MAGI1: variants seen among roughly 807,000 people sequenced by gnomAD.
MAGI1 encodes membrane associated guanylate kinase, WW and PDZ domain containing 1.
A neutral mutation model predicts 139.9 loss-of-function variants in MAGI1; 58 were observed. The observed-to-expected ratio is 0.41, with a 90% CI of 0.34 to 0.52. The LOEUF is 0.52. Ranked by LOEUF, MAGI1 falls within the 20% of genes least tolerant of loss-of-function variation. The probability of loss-of-function intolerance (pLI) is 0.12; values close to 1 mark genes in which losing one functional copy is unlikely to be tolerated. For missense variants in MAGI1, 1,874 were observed against 1,901.6 expected, an observed-to-expected ratio of 0.99 and a Z score of 0.27; for synonymous variants, 812 against 737.9, an observed-to-expected ratio of 1.10 and a Z score of -1.63.
intron 2 of MAGI1, among the ~76,000 whole-genome samples, chr3:65,519,971 C>A (rs2078078835): frequency 6.6e-6 from 1 of 152,130 alleles, no homozygotes; most frequent in Non-Finnish European, 1.5e-5. Context: ...GGTCCTTTGG[C>A]ACAGCAGCTC....
At position 65,614,655 on chromosome 3, in the gene MAGI1, A is replaced by G. The variant is rs1004834821; in HGVS notation, c.430+7317T>C. On this transcript the variant is annotated intron_variant, in intron 2 of 22. Transcript: ENST00000402939. ...CCCCCTTTACCTCATATGTAATGACAGTAATAACTACCACTAGCATCATGG... is the reference window on the plus strand; with the variant it reads ...CCCCCTTTACCTCATATGTAATGACGGTAATAACTACCACTAGCATCATGG... Among the ~76,000 whole-genome samples the G allele has an allele frequency of 2.0e-5, 3 of 152,270 alleles. No homozygotes were observed. The East Asian group carries it at 5.8e-4, about 29-fold the overall frequency.
intron 2 of MAGI1, among the ~76,000 whole-genome samples, chr3:65,605,601 C>G (rs1411285689): frequency 6.6e-6 from 1 of 152,160 alleles, no homozygotes; most frequent in African/African-American, 2.4e-5. Context: ...CAACCAGACC[C>G]TTCTAGAGTG....
At chr3:65,464,323 G>A (rs1171896619) in intron 5 of MAGI1, among the ~76,000 whole-genome samples, 4 of 152,028 alleles carry the variant, frequency 2.6e-5, no homozygotes, top group Admixed American at 6.6e-5. Flanking sequence ...TGCACTGGGA[G>A]TTTAGATTGT....
intron 16 of MAGI1, among the ~76,000 whole-genome samples, chr3:65,379,773 C>T (rs1942888432): frequency 6.6e-6 from 1 of 152,162 alleles, no homozygotes; most frequent in South Asian, 2.1e-4. Context: ...CACCTAACAC[C>T]AAATGGGACT....
rs1013262446 is a variant in MAGI1 at position 65,495,895 on chromosome 3, C to T, written c.431-2264G>A. On this transcript the variant is annotated intron_variant, in intron 2 of 22. Transcript: ENST00000402939. ...AAGGGCAGAAAGGCCAGCATGGTTG[C>T]GGTACAGTGATGAAAAAAGGGCTGG... 5.3e-5 allele frequency among the ~76,000 whole-genome samples: 8 copies of T among 151,800 alleles called. No individual in the cohort carries two copies. In the South Asian group the frequency reaches 8.3e-4, roughly 16 times the overall value.
At chr3:65,798,750 C>T (rs564100050) in intron 1 of MAGI1, among the ~76,000 whole-genome samples, 2 of 152,282 alleles carry the variant, frequency 1.3e-5, no homozygotes, top group South Asian at 4.1e-4. Flanking sequence ...CGGTCAACCA[C>T]AGTCCAAAAA....
At chr3:65,981,789 T>C (rs954568862) in intron 1 of MAGI1, among the ~76,000 whole-genome samples, 5 of 152,192 alleles carry the variant, frequency 3.3e-5, no homozygotes, top group African/African-American at 9.7e-5. Flanking sequence ...CCTGCTGCCA[T>C]GTAAGACATG....
intron 13 of MAGI1, among the ~76,000 whole-genome samples, chr3:65,391,771 G>A (rs1943937574): frequency 6.6e-6 from 1 of 152,062 alleles, no homozygotes. Flanking sequence ...TATAATCAGG[G>A]CTAAAGATGC....
intron 2 of MAGI1, among the ~76,000 whole-genome samples, chr3:65,531,889 T>TTC (rs1188870285): frequency 6.6e-6 from 1 of 152,198 alleles, no homozygotes; most frequent in Non-Finnish European, 1.5e-5. Flanking sequence ...AATGGTCCAC[T>TTC]TCTCATTGTA....
chr3:65,738,554 A>G (rs2034981457), intron 1 of MAGI1, among the ~76,000 whole-genome samples: 1 of 152,230 alleles, frequency 6.6e-6, no homozygotes. Flanking sequence ...GATCCATAGA[A>G]GAATCACTAT....
intron 1 of MAGI1, among the ~76,000 whole-genome samples, chr3:65,674,325 G>C (rs1349724372): frequency 1.3e-5 from 2 of 152,142 alleles, no homozygotes; most frequent in Non-Finnish European, 2.9e-5. Context: ...CTTTGGTTAA[G>C]ATTCTTGCCA....
chr3:65,728,099 C>T (rs2033807449), intron 1 of MAGI1, among the ~76,000 whole-genome samples: 1 of 152,124 alleles, frequency 6.6e-6, no homozygotes, highest in Non-Finnish European at 1.5e-5. Context: ...GCATTTTCCA[C>T]ACTCAGGAAG....
intron 5 of MAGI1, among the ~76,000 whole-genome samples, chr3:65,466,019 C>T (rs1950147934): frequency 6.6e-6 from 1 of 152,088 alleles, no homozygotes; most frequent in South Asian, 2.1e-4. Context: ...CTGTTGAATC[C>T]ATCTACTAAG....
chr3:65,502,331 G>T (rs1286046792), intron 2 of MAGI1, among the ~76,000 whole-genome samples: 1 of 152,128 alleles, frequency 6.6e-6, no homozygotes, highest in African/African-American at 2.4e-5. Flanking sequence ...TCACAAAAGG[G>T]GATTGACAAA....
At chr3:65,877,434 C>T (rs1458498069) in intron 1 of MAGI1, among the ~76,000 whole-genome samples, 4 of 152,030 alleles carry the variant, frequency 2.6e-5, no homozygotes, top group Non-Finnish European at 5.9e-5. Flanking sequence ...TCTCAAACAC[C>T]CACAGATATT....
intron 1 of MAGI1, among the ~76,000 whole-genome samples, chr3:65,665,546 G>A (rs1204488155): frequency 2.0e-5 from 3 of 152,160 alleles, no homozygotes; most frequent in African/African-American, 7.2e-5. Flanking sequence ...TCATTAAACA[G>A]AAATACAAGT....
At chr3:65,949,286 C>T (rs2063684092) in intron 1 of MAGI1, among the ~76,000 whole-genome samples, 2 of 152,202 alleles carry the variant, frequency 1.3e-5, no homozygotes, top group Non-Finnish European at 2.9e-5. Flanking sequence ...AGTAACCACC[C>T]ACTAAACATT....
chr3:65,844,533 G>C (rs976232159), intron 1 of MAGI1: 3 of 217,830 alleles, frequency 1.4e-5, no homozygotes, highest in Non-Finnish European at 2.7e-5. Context: ...GAGCCCTGAA[G>C]TTTTAACATA....
intron 16 of MAGI1, among the ~76,000 whole-genome samples, 200 bp from the exon 17 acceptor site, chr3:65,379,754 C>T (rs1220623855): frequency 2.0e-5 from 3 of 152,076 alleles, no homozygotes; most frequent in Non-Finnish European, 4.4e-5. Flanking sequence ...TATCTACGAA[C>T]ATTGATCCCA....
Sources: allele counts gnomAD v4.1 joint callset (sites outside exome capture counted in the v4.1 genomes callset), GRCh38; gene constraint gnomAD v4.1.1; transcripts MANE v1.5; gene names NCBI Gene and HGNC (gene_info 2026-07-23, HGNC 2026-07-21).